The following TPD52 variants were observed in gnomAD, a reference collection of about 807,000 sequenced individuals.
TPD52 encodes the protein tumor protein D52.
In TPD52, 17 loss-of-function variants were observed where a neutral mutation model predicts 31.3. That is an observed-to-expected ratio of 0.54 (90% CI 0.37 to 0.82). TPD52 has a LOEUF of 0.82. Among genes scored for constraint, TPD52 ranks in the 40% least tolerant of loss-of-function variants. The probability of loss-of-function intolerance (pLI) is 0.00; values close to 1 mark genes in which losing one functional copy is unlikely to be tolerated. For missense variants in TPD52, 212 were observed against 240.1 expected, an observed-to-expected ratio of 0.88 and a Z score of 0.77; for synonymous variants, 83 against 89.6, an observed-to-expected ratio of 0.93 and a Z score of 0.42.
chr8:80,082,737 T>C (rs1316546916), intron 1 of TPD52, among the ~76,000 whole-genome samples: 1 of 151,994 alleles, frequency 6.6e-6, no homozygotes, highest in Non-Finnish European at 1.5e-5. Flanking sequence ...CAGGCGCCTG[T>C]GCCTATCCAG....
At position 80,171,520 on chromosome 8, in the gene TPD52, C is replaced by A. The variant is rs1395903958; in HGVS notation, c.-77G>T. 2 of 1,480,322 alleles carry A rather than the reference C, an allele frequency of 1.4e-6. No individual in the cohort carries two copies. The highest frequency in any genetic ancestry group is 1.3e-5 in the South Asian group (1 of 75,314). The allele number at this position is 1,480,322 out of a possible 1,614,324, so 91.7% of individuals were successfully genotyped here. ...TCCCGGCTCGGATCGCCCGCCGCGC[C>A]GCGCAGAGCTCCTCCTCGCCTCCGC... On this transcript the variant is annotated 5_prime_UTR_variant, in exon 1 of 8. Transcript: ENST00000518937.
chr8:80,109,979 C>A (rs1479910013), intron 1 of TPD52, among the ~76,000 whole-genome samples: 2 of 152,114 alleles, frequency 1.3e-5, no homozygotes, highest in Non-Finnish European at 2.9e-5. Context: ...CAGAGGACAA[C>A]CCTCATGCCT....
At chr8:80,127,785 TAA>T (rs1181697072) in intron 1 of TPD52, 4 of 126,742 alleles carry the variant, frequency 3.2e-5, no homozygotes, top group African/African-American at 9.2e-5. Context: ...GATTTCTAAA[TAA>T]ACACACACAC....
chr8:80,083,922 T>C (rs1183835459), intron 1 of TPD52, among the ~76,000 whole-genome samples: 2 of 152,174 alleles, frequency 1.3e-5, no homozygotes, highest in Non-Finnish European at 2.9e-5. Flanking sequence ...TACCTCTAGA[T>C]TAGGCATCCT....
At chr8:80,051,053 A>G (rs1811335067) in intron 4 of TPD52, among the ~76,000 whole-genome samples, 1 of 152,114 alleles carries the variant, frequency 6.6e-6, no homozygotes, top group African/African-American at 2.4e-5. Flanking sequence ...CTAAGCATGA[A>G]CATAGTTACA....
At chr8:80,148,517 T>C (rs1810362152) in intron 1 of TPD52, among the ~76,000 whole-genome samples, 1 of 152,154 alleles carries the variant, frequency 6.6e-6, no homozygotes, top group African/African-American at 2.4e-5. Flanking sequence ...GTGTGTGGCA[T>C]CACCCTTGAC....
intron 1 of TPD52, among the ~76,000 whole-genome samples, chr8:80,142,140 G>A (rs1333767217): frequency 6.6e-6 from 1 of 152,104 alleles, no homozygotes; most frequent in Non-Finnish European, 1.5e-5. Context: ...TAAATGGCAT[G>A]GGTCAGTCTC....
At chr8:80,061,742 A>C (rs1173797503) in intron 2 of TPD52, among the ~76,000 whole-genome samples, 1 of 152,200 alleles carries the variant, frequency 6.6e-6, no homozygotes, top group African/African-American at 2.4e-5. Flanking sequence ...AAAATATAAG[A>C]TCAAGATATA....
intron 1 of TPD52, among the ~76,000 whole-genome samples, chr8:80,076,234 A>G (rs1814517407): frequency 6.6e-6 from 1 of 152,258 alleles, no homozygotes; most frequent in Non-Finnish European, 1.5e-5. Context: ...TATTCACAAT[A>G]GCAAAGGGTG....
chr8:80,140,992 G>A (rs554351823), intron 1 of TPD52, among the ~76,000 whole-genome samples: 22 of 107,148 alleles, frequency 2.1e-4, no homozygotes, highest in Admixed American at 1.4e-3. Context: ...TGTAGAAAGA[G>A]TATCAATCAT....
At chr8:80,141,852 G>C (rs1422455682) in intron 1 of TPD52, among the ~76,000 whole-genome samples, 1 of 152,080 alleles carries the variant, frequency 6.6e-6, no homozygotes, top group African/African-American at 2.4e-5. Flanking sequence ...AGAGGTTGCA[G>C]TGAGCTGAGA....
chr8:80,143,465 CA>C (rs1264151610), intron 1 of TPD52, among the ~76,000 whole-genome samples: 3 of 152,108 alleles, frequency 2.0e-5, no homozygotes, highest in African/African-American at 7.2e-5. Context: ...TCTCTTTGAC[CA>C]AAACTCATTA....
In TPD52 at chr8:80,091,400, C is replaced by T. The variant is rs561750428; in HGVS notation, c.20-26807G>A. ...AGGAGAATGGCCTGAACCCAAGAGG[C>T]GGAGCTTGCAGTGAGCCGAGATCGC... On this transcript the variant is annotated intron_variant, in intron 1 of 7. Coordinates refer to ENST00000518937, the MANE Select transcript of TPD52 (RefSeq NM_001025253.3). Among the ~76,000 whole-genome samples the T allele has an allele frequency of 3.3e-4, 50 of 149,688 alleles. 1 individual carries two copies. Among genetic ancestry groups the T allele is most frequent in the African/African-American group, 1.1e-3 (43 of 40,644 alleles).
At chr8:80,136,054 G>C (rs1198526703) in intron 1 of TPD52, among the ~76,000 whole-genome samples, 2 of 137,328 alleles carry the variant, frequency 1.5e-5, no homozygotes, top group Non-Finnish European at 3.1e-5. Flanking sequence ...AGTGGGTGCA[G>C]CGCACCAGCA....
intron 7 of TPD52, among the ~76,000 whole-genome samples, chr8:80,040,191 T>TC (rs1810244275): frequency 2.2e-5 from 3 of 135,120 alleles, no homozygotes; most frequent in Admixed American, 2.2e-4. Flanking sequence ...TATCCTTTTT[T>TC]TTTTTTTTTT....
chr8:80,160,467 C>T (rs1414865330), intron 1 of TPD52, among the ~76,000 whole-genome samples: 1 of 152,130 alleles, frequency 6.6e-6, no homozygotes, highest in Non-Finnish European at 1.5e-5. Context: ...ATTCTGGGTT[C>T]TCATAAAATA....
Position 80,038,432 on chromosome 8 carries a change from TGCTGAA to T in TPD52, c.505-203_505-198del, listed in dbSNP as rs144240913. 5.7e-3 allele frequency among the ~76,000 whole-genome samples: 862 copies of T among 152,346 alleles called. 10 individuals carry two copies. Among genetic ancestry groups the T allele is most frequent in the African/African-American group, 0.02 (833 of 41,578 alleles). On this transcript the variant is annotated intron_variant, in intron 7 of 7. Coordinates refer to ENST00000518937, the MANE Select transcript of TPD52 (RefSeq NM_001025253.3). ...ATAGTAAAACTCATGCATTCTCCCT[TGCTGAA>T]ATATTCAGATTGGTAAATTCTACCC...
At chr8:80,069,911 C>T (rs1303909370) in intron 1 of TPD52, among the ~76,000 whole-genome samples, 2 of 152,186 alleles carry the variant, frequency 1.3e-5, no homozygotes, top group Admixed American at 1.3e-4. Context: ...GTCCTGAACA[C>T]ATCTCTAGTT....
intron 1 of TPD52, among the ~76,000 whole-genome samples, chr8:80,128,089 G>A (rs1808758483): frequency 6.6e-6 from 1 of 151,914 alleles, no homozygotes; most frequent in Non-Finnish European, 1.5e-5. Context: ...GCTGTCCGCA[G>A]TACTATAGAC....
Sources: allele counts gnomAD v4.1 joint callset (sites outside exome capture counted in the v4.1 genomes callset), GRCh38; gene constraint gnomAD v4.1.1; transcripts MANE v1.5; gene names NCBI Gene and HGNC (gene_info 2026-07-23, HGNC 2026-07-21).